The following CCDC6 variants were observed in gnomAD, a reference collection of about 807,000 sequenced individuals.
CCDC6 encodes coiled-coil domain containing 6, also known as coiled-coil domain-containing protein 6.
A neutral mutation model predicts 56.6 loss-of-function variants in CCDC6; 20 were observed. The observed-to-expected ratio is 0.35, with a 90% CI of 0.25 to 0.51. CCDC6 has a LOEUF of 0.51. Among genes scored for constraint, CCDC6 ranks in the 20% least tolerant of loss-of-function variants. The pLI, the probability that CCDC6 is intolerant of heterozygous loss-of-function variation, is 0.95. For missense variants in CCDC6, 367 were observed against 601.1 expected (o/e 0.61, Z 4.07); for synonymous variants, 241 against 234.4 (o/e 1.03, Z -0.26).
At chr10:59,839,037 A>C (rs1451091240) in intron 2 of CCDC6, among the ~76,000 whole-genome samples, 1 of 152,220 alleles carries the variant, frequency 6.6e-6, no homozygotes, top group Non-Finnish European at 1.5e-5. Flanking sequence ...CTAATGCTTC[A>C]GGGCGATTAC....
rs2070603772 is a variant in CCDC6, at chr10:59,804,499, T to C, written c.1026A>G (p.Ala342=). 4 of 1,609,796 alleles carry C rather than the reference T, an allele frequency of 2.5e-6. No homozygotes were observed. Among genetic ancestry groups the C allele is most frequent in the Non-Finnish European group, 3.4e-6 (4 of 1,176,080 alleles). ...DDERYFNEMS[A]QGLRPRTVSS... ...ACACAGTGCGAGGTCTTAATCCTTG[T>C]GCAGACATCTCATTAAAATACCTAA... The change falls in exon 7 of 9, where the codon GCA becomes GCG. Residue 342 remains alanine, a synonymous_variant. Transcript: ENST00000263102.
At position 59,812,643 on chromosome 10, in the gene CCDC6, T is replaced by C; in HGVS notation, c.839A>G (p.Gln280Arg). 6.2e-7 allele frequency: 1 copy of C among 1,612,030 alleles called. No homozygotes were observed. Among genetic ancestry groups the C allele is most frequent in the Admixed American group, 1.7e-5 (1 of 59,932 alleles). ...AACCAGAGGCTACGTACGCTGTAAC[T>C]GAGCAGCTCTCAGTTGCTTCTTCAG... Reference protein sequence around the residue: ...ERLKKQLRAAQLQHSEKMAQY... With the variant: ...ERLKKQLRAARLQHSEKMAQY... Residue 280 changes from glutamine to arginine, a missense_variant, in exon 5 of 9, where the codon CAG becomes CGG. By Grantham distance (43) the Gln-to-Arg change is conservative (BLOSUM62 1). This residue lies in a region of CCDC6 where 81 missense variants were observed against 150.8 expected (regional missense o/e 0.54). Transcript: ENST00000263102.
intron 3 of CCDC6, among the ~76,000 whole-genome samples, chr10:59,819,774 T>C (rs1044621739): frequency 2.6e-5 from 4 of 152,198 alleles, no homozygotes; most frequent in Admixed American, 2.6e-4. Context: ...ATGCAATACG[T>C]ACCCCACTCA....
At chr10:59,883,008 G>A (rs934638577) in intron 1 of CCDC6, among the ~76,000 whole-genome samples, 4 of 150,300 alleles carry the variant, frequency 2.7e-5, no homozygotes, top group African/African-American at 7.4e-5. Context: ...GGTGTTTACC[G>A]TATTGATCGA....
chr10:59,831,210 TAAG>T (rs1359436444), intron 3 of CCDC6, among the ~76,000 whole-genome samples: 1 of 152,138 alleles, frequency 6.6e-6, no homozygotes, highest in Non-Finnish European at 1.5e-5. Flanking sequence ...AGATGAATGG[TAAG>T]AAGAAATTAC....
chr10:59,856,313 G>A (rs1055970622), intron 1 of CCDC6, among the ~76,000 whole-genome samples: 1 of 136,920 alleles, frequency 7.3e-6, no homozygotes, highest in Non-Finnish European at 1.6e-5. Flanking sequence ...CGAGTACAAA[G>A]GGCAAAATGC....
intron 5 of CCDC6, among the ~76,000 whole-genome samples, chr10:59,812,422 G>A (rs1302582249): frequency 6.7e-6 from 1 of 149,494 alleles, no homozygotes; most frequent in African/African-American, 2.5e-5. Flanking sequence ...TTATTTTCTG[G>A]AAGTATTCTA....
At chr10:59,804,661 T>C (rs964164430) in intron 6 of CCDC6, 141 bp from the exon 7 acceptor site, 7 of 621,654 alleles carry the variant, frequency 1.1e-5, no homozygotes, top group Admixed American at 2.5e-5. Flanking sequence ...TAAAAGGCAT[T>C]TATAAAATGG....
chr10:59,847,183 G>C (rs2070999923), intron 2 of CCDC6, among the ~76,000 whole-genome samples: 1 of 152,056 alleles, frequency 6.6e-6, no homozygotes, highest in Non-Finnish European at 1.5e-5. Flanking sequence ...CTCCCAAGTA[G>C]CTGGGACTAC....
chr10:59,799,923 T>C (rs993157869), intron 7 of CCDC6, among the ~76,000 whole-genome samples: 4 of 152,208 alleles, frequency 2.6e-5, no homozygotes, highest in Admixed American at 6.5e-5. Context: ...CAAAGTGCTT[T>C]GAGAGTGCCT....
At chr10:59,798,991 CAAAAAAAA>C (rs34505959) in intron 7 of CCDC6, among the ~76,000 whole-genome samples, 7,323 of 77,230 alleles carry the variant, frequency 0.095, 263 homozygotes, top group African/African-American at 0.12. Flanking sequence ...AAGACTGTTT[CAAAAAAAA>C]AAAAAAAAAA....
chr10:59,821,880 T>C (rs950024032), intron 3 of CCDC6, among the ~76,000 whole-genome samples: 4 of 152,216 alleles, frequency 2.6e-5, no homozygotes, highest in Admixed American at 2.6e-4. Flanking sequence ...TTCCTATTTT[T>C]TCCTGGCCTG....
At chr10:59,860,329 G>A (rs547242664) in intron 1 of CCDC6, among the ~76,000 whole-genome samples, 2 of 152,256 alleles carry the variant, frequency 1.3e-5, no homozygotes, top group South Asian at 2.1e-4. Context: ...ACTACCAGAC[G>A]AAGAAAGGAA....
At chr10:59,834,471 A>AGGAGGCAGGGGTTGCAG (rs1262867540) in intron 2 of CCDC6, among the ~76,000 whole-genome samples, 4 of 151,928 alleles carry the variant, frequency 2.6e-5, no homozygotes, top group Non-Finnish European at 5.9e-5. Context: ...CCTTGAACCC[A>AGGAGGCAGGGGTTGCAG]GGAGGCAGGG....
At chr10:59,903,952 A>G (rs1172774485) in intron 1 of CCDC6, among the ~76,000 whole-genome samples, 22 of 152,162 alleles carry the variant, frequency 1.4e-4, no homozygotes, top group Admixed American at 1.2e-3. Flanking sequence ...AACCTGCAAA[A>G]TCTTGAAGGA....
At chr10:59,869,389 CAAAAAAAAAAAA>C (rs1167007522) in intron 1 of CCDC6, among the ~76,000 whole-genome samples, 48 of 6,082 alleles carry the variant, frequency 7.9e-3, no homozygotes, top group South Asian at 0.031. Context: ...CTTGCTCAGG[CAAAAAAAAAAAA>C]AAAAAAAAAA....
chr10:59,856,845 C>G (rs2071084087), intron 1 of CCDC6, among the ~76,000 whole-genome samples: 1 of 152,092 alleles, frequency 6.6e-6, no homozygotes, highest in South Asian at 2.1e-4. Flanking sequence ...CAACATTTAC[C>G]TATAGCTCTG....
At chr10:59,868,578 T>TC (rs1251462037) in intron 1 of CCDC6, among the ~76,000 whole-genome samples, 2 of 152,018 alleles carry the variant, frequency 1.3e-5, no homozygotes, top group African/African-American at 4.8e-5. Flanking sequence ...CCTGGTGCCC[T>TC]CCCTACTGAG....
In CCDC6 at chr10:59,837,561, T is replaced by G. The variant is rs531758446; in HGVS notation, c.454-4908A>C. Among the ~76,000 whole-genome samples the G allele has an allele frequency of 6.6e-5, 10 of 152,100 alleles. No homozygotes were observed. The South Asian group carries it at 2.1e-3, about 32-fold the overall frequency. On this transcript the variant is annotated intron_variant, in intron 2 of 8. Transcript: ENST00000263102. ...GAGTTTGAGTCCAGCCTGGCTAACA[T>G]GGTGAAACCCTGTCTCTACCAAAAA...
Sources: allele counts gnomAD v4.1 joint callset (sites outside exome capture counted in the v4.1 genomes callset), GRCh38; gene constraint gnomAD v4.1.1; regional missense constraint gnomAD v4.1.1; transcripts MANE v1.5; gene names NCBI Gene and HGNC (gene_info 2026-07-23, HGNC 2026-07-21).